HERC1: variants seen among roughly 807,000 people sequenced by gnomAD.
HERC1 encodes the protein probable E3 ubiquitin-protein ligase HERC1.
A neutral mutation model predicts 554.3 loss-of-function variants in HERC1; 160 were observed. The observed-to-expected ratio is 0.29, with a 90% CI of 0.25 to 0.33. The LOEUF (loss-of-function observed/expected upper bound fraction) is 0.33, where lower values mean the gene tolerates loss of function less well. HERC1 is among the 10% of genes least tolerant of loss of function. The pLI is 1.00. For synonymous variants in HERC1, 2,175 were observed against 2,131.7 expected (o/e 1.02, Z -0.56); for missense variants, 4,919 against 5,918.5 (o/e 0.83, Z 5.54).
chr15:63,739,617 T>A (rs1233629904), intron 12 of HERC1, among the ~76,000 whole-genome samples: 1 of 151,724 alleles, frequency 6.6e-6, no homozygotes. Context: ...GGCAGGCAGA[T>A]CACCTGAGGT....
intron 40 of HERC1, among the ~76,000 whole-genome samples, chr15:63,666,832 T>C (rs2070666723): frequency 6.6e-6 from 1 of 152,250 alleles, no homozygotes; most frequent in Non-Finnish European, 1.5e-5. Context: ...CTAAAAAGTT[T>C]AGTCCCTCAA....
At chr15:63,785,335 C>T (rs910989238) in intron 1 of HERC1, among the ~76,000 whole-genome samples, 8 of 151,994 alleles carry the variant, frequency 5.3e-5, no homozygotes, top group African/African-American at 1.4e-4. Flanking sequence ...GTGGGAGGAT[C>T]GCTTGAGCTC....
chr15:63,641,454 G>A lies in HERC1; in HGVS notation c.11607+16C>T, dbSNP rs184084603. On this transcript the variant is annotated intron_variant, in intron 60 of 77. Transcript: ENST00000443617. ...CAGGTATCTGTGTATCTCTAGGAGT[G>A]AGTGTAATGAGTTACCTTTTCATAG... is the stretch of plus-strand genomic sequence containing the variant. 6.2e-5 allele frequency: 99 copies of A among 1,598,530 alleles called. No homozygotes were observed. In the East Asian group the frequency reaches 1.6e-3, roughly 26 times the overall value.
chr15:63,708,785 T>C (rs1373146915), intron 24 of HERC1, among the ~76,000 whole-genome samples: 2 of 152,220 alleles, frequency 1.3e-5, no homozygotes, highest in Admixed American at 1.3e-4. Flanking sequence ...TCATATAGTA[T>C]AGAAGGGTAA....
chr15:63,783,119 G>A (rs949044271), intron 1 of HERC1, among the ~76,000 whole-genome samples: 1 of 152,214 alleles, frequency 6.6e-6, no homozygotes. Flanking sequence ...TAATGCAGTA[G>A]CAGAGTTAGA....
In HERC1 at chr15:63,698,857, A is replaced by C. The variant is rs1209234527; in HGVS notation, c.4776T>G (p.Ile1592Met). The change falls in exon 26 of 78, where the codon ATT (isoleucine) becomes ATG (methionine). Residue 1592 changes from isoleucine to methionine, a missense_variant. Ile to Met is a conservative substitution (Grantham distance 10, BLOSUM62 1). Around this residue, in one of 11 missense-constraint regions of HERC1, gnomAD observed 1,121 missense variants for 1,244.0 expected, o/e 0.90. Transcript: ENST00000443617. ...CACTCACAAAGCTTACAACATTTTC[A>C]ATCAAAGTGTGAACTCCCAAAGACT... is the stretch of plus-strand genomic sequence containing the variant. ...LTKSLGVHTL[I>M]ENVVSFVSGD... is the part of the protein sequence containing the mutation. 6.2e-7 allele frequency: 1 copy of C among 1,613,980 alleles called. No individual in the cohort carries two copies. The highest frequency in any genetic ancestry group is 8.5e-7 in the Non-Finnish European group (1 of 1,179,878).
intron 48 of HERC1, among the ~76,000 whole-genome samples, chr15:63,656,715 C>T (rs2070059704): frequency 6.6e-6 from 1 of 152,186 alleles, no homozygotes; most frequent in South Asian, 2.1e-4. Flanking sequence ...GGGCTTTTCT[C>T]AGTCACGATG....
At chr15:63,715,008 A>T (rs1388206343) in intron 22 of HERC1, among the ~76,000 whole-genome samples, 1 of 152,216 alleles carries the variant, frequency 6.6e-6, no homozygotes, top group Non-Finnish European at 1.5e-5. Flanking sequence ...TTTCTACAAA[A>T]ATCAAAGCAA....
chr15:63,792,907 G>A (rs1596269111), intron 1 of HERC1, among the ~76,000 whole-genome samples: 1 of 152,168 alleles, frequency 6.6e-6, no homozygotes, highest in Non-Finnish European at 1.5e-5. Context: ...TGACCAACTA[G>A]CTATAAAGCA....
At chr15:63,728,347 C>T (rs1170084595) in intron 16 of HERC1, among the ~76,000 whole-genome samples, 2 of 152,062 alleles carry the variant, frequency 1.3e-5, no homozygotes, top group East Asian at 1.9e-4. Context: ...TTTTTATAAT[C>T]CATATTGGTT....
Position 63,626,106 on chromosome 15 carries a change from T to TG in HERC1, c.13153dup (p.Gln4385ProfsTer25), listed in dbSNP as rs772789325. 2.5e-6 allele frequency: 4 copies of TG among 1,613,544 alleles called. No homozygotes were observed. The highest frequency in any genetic ancestry group is 3.4e-6 in the Non-Finnish European group (4 of 1,179,736). ...GCTGACTTCTCTCAGCGCCCCATAC[T>TG]GGGGGGGCACTGTGTCAGGCAGGCC... On this transcript the variant is annotated frameshift_variant, in exon 71 of 78. Transcript: ENST00000443617. LOFTEE classifies it high-confidence loss of function.
At chr15:63,639,714 C>T (rs1259818518) in intron 61 of HERC1, among the ~76,000 whole-genome samples, 1 of 152,106 alleles carries the variant, frequency 6.6e-6, no homozygotes, top group Non-Finnish European at 1.5e-5. Context: ...CAAATACAAA[C>T]AGAATGAAAT....
intron 59 of HERC1, among the ~76,000 whole-genome samples, chr15:63,642,189 G>A (rs2069099550): frequency 6.6e-6 from 1 of 152,182 alleles, no homozygotes; most frequent in Non-Finnish European, 1.5e-5. Flanking sequence ...AAATAATACT[G>A]TAGGGAATAA....
In HERC1 at chr15:63,734,886, G is replaced by A. The variant is rs2074433887; in HGVS notation, c.2521-37C>T. On this transcript the variant is annotated intron_variant, in intron 12 of 77. Transcript: ENST00000443617. The surrounding 1 kb of genome is among the most constrained non-coding windows in gnomAD (Gnocchi z 4.6). ...AGAGAAAAGTATACTGATTGGCCTG[G>A]TTCTTAGTTTTTAATAAAAACACAC... 4 of 1,576,382 alleles carry A rather than the reference G, an allele frequency of 2.5e-6. No homozygotes were observed. Among genetic ancestry groups the A allele is most frequent in the Non-Finnish European group, 3.4e-6 (4 of 1,160,774 alleles).
At chr15:63,700,439 AAACT>A (rs1349843105) in intron 25 of HERC1, among the ~76,000 whole-genome samples, 1 of 152,174 alleles carries the variant, frequency 6.6e-6, no homozygotes, top group Admixed American at 6.5e-5. Flanking sequence ...CAGAGAAAAC[AAACT>A]AACAACAATA....
intron 19 of HERC1, among the ~76,000 whole-genome samples, chr15:63,721,524 TCAAAAAA>T (rs1396399450): frequency 6.6e-6 from 1 of 151,668 alleles, no homozygotes; most frequent in East Asian, 1.9e-4. Context: ...AGACTCTGTC[TCAAAAAA>T]CAAAAAACAA....
At chr15:63,732,619 T>C (rs1383846978) in intron 14 of HERC1, among the ~76,000 whole-genome samples, 1 of 152,264 alleles carries the variant, frequency 6.6e-6, no homozygotes. Flanking sequence ...ATTATAAGAT[T>C]ATAACTGGCA....
Position 63,770,683 on chromosome 15 carries a change from G to A in HERC1, c.930+4011C>T, listed in dbSNP as rs555816617. On this transcript the variant is annotated intron_variant, in intron 2 of 77. Transcript: ENST00000443617. Reference sequence around the variant, plus strand: ...ATCACACAAGTAAATACAATTTACCGATTGAACTTATTTTTGTTAGGTCTT... The same window carrying A: ...ATCACACAAGTAAATACAATTTACCAATTGAACTTATTTTTGTTAGGTCTT... Among the ~76,000 whole-genome samples, 6 of 152,302 alleles carry A rather than the reference G, an allele frequency of 3.9e-5. No homozygotes were observed. The East Asian group carries it at 7.7e-4, about 20-fold the overall frequency.
chr15:63,794,119 G>T (rs2076736965), intron 1 of HERC1, among the ~76,000 whole-genome samples: 1 of 152,002 alleles, frequency 6.6e-6, no homozygotes, highest in African/African-American at 2.4e-5. Flanking sequence ...AAAAGGGGAG[G>T]CATGAATAAT....
Sources: allele counts gnomAD v4.1 joint callset (sites outside exome capture counted in the v4.1 genomes callset), GRCh38; gene constraint gnomAD v4.1.1; regional missense constraint gnomAD v4.1.1; non-coding constraint Gnocchi (gnomAD v3.1); transcripts MANE v1.5; gene names NCBI Gene and HGNC (gene_info 2026-07-23, HGNC 2026-07-21).